Variants in ACLY observed in about 807,000 individuals in gnomAD.
ACLY encodes the protein ATP citrate lyase.
A neutral mutation model predicts 133.0 loss-of-function variants in ACLY; 41 were observed. That is an observed-to-expected ratio of 0.31 (90% CI 0.24 to 0.40). The LOEUF is 0.40. ACLY is among the 10% of genes least tolerant of loss of function. ACLY has a pLI of 1.00. For missense variants in ACLY, 1,046 were observed against 1,453.8 expected (o/e 0.72, Z 4.56); for synonymous variants, 495 against 549.3 (o/e 0.90, Z 1.38).
Position 41,892,269 on chromosome 17 carries a change from A to C in ACLY, c.1770+10T>G. ...CCCCACCCCCCACCCTCCAGAGCCCAGTGATCTACCTGGGCATAGTTCATG... is the reference window on the plus strand; with the variant it reads ...CCCCACCCCCCACCCTCCAGAGCCCCGTGATCTACCTGGGCATAGTTCATG... On this transcript the variant is annotated intron_variant, in intron 16 of 28. Coordinates refer to ENST00000352035, the MANE Select transcript of ACLY (RefSeq NM_001096.3). 1.7e-6 allele frequency: 1 copy of C among 572,976 alleles called. No homozygotes were observed. Among genetic ancestry groups the C allele is most frequent in the African/African-American group, 2.5e-5 (1 of 40,016 alleles). 35.5% of individuals were successfully genotyped at this position (572,976 alleles called of 1,614,324 possible).
chr17:41,913,014 A>C (rs1332093767), intron 2 of ACLY, among the ~76,000 whole-genome samples: 3 of 151,986 alleles, frequency 2.0e-5, no homozygotes, highest in Non-Finnish European at 4.4e-5. Context: ...GCAGCCCCTA[A>C]CCACTGCTCA....
chr17:41,913,666 C>T, intron 2 of ACLY, 49 bp downstream of exon 2: 1 of 1,593,752 alleles, frequency 6.3e-7, no homozygotes, highest in Non-Finnish European at 8.6e-7. Flanking sequence ...CTTTCTCTTC[C>T]TCAGACCCCG....
chr17:41,875,810 C>G (rs1555626032), intron 22 of ACLY, among the ~76,000 whole-genome samples: 1 of 152,178 alleles, frequency 6.6e-6, no homozygotes, highest in African/African-American at 2.4e-5. Context: ...ACCTCCCGGC[C>G]GCCTGCCTTG....
Position 41,897,782 on chromosome 17 carries a change from G to A in ACLY, c.1396C>T (p.Pro466Ser). The stretch of plus-strand genomic sequence containing the variant: ...ATGGCAGGCTTGGCCTTCTTTGCAG[G>A]CGCCACCTCATCGGCCCTGGACTCA... ...FSESRADEVAPAKKAKPAMPQ... is the reference protein window; with the variant it reads ...FSESRADEVASAKKAKPAMPQ... The change falls in exon 13 of 29, where the codon CCT (proline) becomes TCT (serine). Residue 466 changes from proline to serine, a missense_variant. By Grantham distance (74) the Pro-to-Ser change is moderately conservative (BLOSUM62 -1). Coordinates refer to ENST00000352035, the MANE Select transcript of ACLY (RefSeq NM_001096.3). 1.2e-6 allele frequency: 2 copies of A among 1,613,294 alleles called. No individual in the cohort carries two copies. The highest frequency in any genetic ancestry group is 8.5e-7 in the Non-Finnish European group (1 of 1,179,688).
In ACLY at chr17:41,896,632, T is replaced by G; in HGVS notation, c.1447A>C (p.Arg483=). The G allele has an allele frequency of 6.4e-7, 1 of 1,570,756 alleles. No individual in the cohort carries two copies. The highest frequency in any genetic ancestry group is 8.6e-7 in the Non-Finnish European group (1 of 1,157,656). Residue 483 remains arginine, a synonymous_variant, in exon 14 of 29, where the codon AGA becomes CGA. Transcript: ENST00000352035. ...GGGGGCATCCTACCTTGCAGGGATCTTGGACTTGGGACTGAATCTGTCAAA... is the reference window on the plus strand; with the variant it reads ...GGGGGCATCCTACCTTGCAGGGATCGTGGACTTGGGACTGAATCTGTCAAA... ...AMPQDSVPSP[R]SLQGKSTTLF... is the part of the protein sequence containing the mutation.
intron 11 of ACLY, 65 bp downstream of exon 11, chr17:41,901,631 G>A: frequency 7.3e-7 from 1 of 1,367,894 alleles, no homozygotes; most frequent in Admixed American, 1.8e-5. Context: ...TCAGGAATCA[G>A]AAATCCCAAA....
chr17:41,906,489 G>T, intron 8 of ACLY, 39 bp downstream of exon 8: 1 of 1,568,530 alleles, frequency 6.4e-7, no homozygotes, highest in Non-Finnish European at 8.8e-7. Flanking sequence ...ATGCTGGGTA[G>T]ACTGGGCTGG....
chr17:41,873,175 CTTTTTTT>C, intron 23 of ACLY, among the ~76,000 whole-genome samples: 1 of 134,360 alleles, frequency 7.4e-6, no homozygotes, highest in Middle Eastern at 3.5e-3. Context: ...ACACAAGGTA[CTTTTTTT>C]TTTTTTTTTT....
intron 18 of ACLY, among the ~76,000 whole-genome samples, chr17:41,885,338 C>T (rs1555627962): frequency 6.6e-6 from 1 of 152,188 alleles, no homozygotes; most frequent in East Asian, 1.9e-4. Context: ...TTCTTCCTCA[C>T]CCAGGCATCC....
chr17:41,871,432 A>G (rs1310812833), intron 25 of ACLY, among the ~76,000 whole-genome samples: 1 of 148,756 alleles, frequency 6.7e-6, no homozygotes, highest in Non-Finnish European at 1.5e-5. Context: ...GGCTCACCAC[A>G]ACCTCCACTT....
chr17:41,907,360 G>A (rs558865656), intron 7 of ACLY, 82 bp downstream of exon 7: 3 of 1,370,310 alleles, frequency 2.2e-6, no homozygotes, highest in Admixed American at 1.9e-5. Flanking sequence ...GCTCATGAAG[G>A]GGGGCCAAAT....
intron 20 of ACLY, 51 bp from the exon 21 acceptor site, chr17:41,878,975 T>C (rs1597979773): frequency 4.3e-6 from 7 of 1,610,186 alleles, no homozygotes; most frequent in East Asian, 2.2e-5. Flanking sequence ...AGAGTGAACA[T>C]AGAATCCCAT....
At chr17:41,868,310 C>T (rs768667843) in intron 28 of ACLY, among the ~76,000 whole-genome samples, 3 of 151,076 alleles carry the variant, frequency 2.0e-5, no homozygotes, top group Admixed American at 6.6e-5. Flanking sequence ...TGGTGGCATG[C>T]GCCTGTAGTC....
At chr17:41,883,101 A>G (rs781846872) in intron 20 of ACLY, 21 bp downstream of exon 20, 1 of 1,603,254 alleles carries the variant, frequency 6.2e-7, no homozygotes, top group Non-Finnish European at 8.5e-7. Flanking sequence ...CCAGCCCAGA[A>G]GTGACCCATC....
chr17:41,878,729 G>A, intron 21 of ACLY, 68 bp downstream of exon 21: 2 of 1,596,436 alleles, frequency 1.3e-6, no homozygotes, highest in Admixed American at 1.7e-5. Context: ...CTGTGTGGGA[G>A]AGGCTGCTGT....
At chr17:41,871,473 C>T (rs1555625022) in intron 25 of ACLY, among the ~76,000 whole-genome samples, 1 of 152,104 alleles carries the variant, frequency 6.6e-6, no homozygotes, top group Admixed American at 6.5e-5. Flanking sequence ...CTACCTCAGC[C>T]TCCTGAGTAG....
At chr17:41,928,852 TAAAAAAAAAA>T (rs11428338) in intron 1 of ACLY, among the ~76,000 whole-genome samples, 1 of 119,840 alleles carries the variant, frequency 8.3e-6, no homozygotes, top group Non-Finnish European at 1.7e-5. Flanking sequence ...GACTCCACCA[TAAAAAAAAAA>T]AAAAAAAAGC....
In ACLY at chr17:41,890,969, CA is replaced by C. The variant is rs113644053; in HGVS notation, c.1770+1309del. On this transcript the variant is annotated intron_variant, in intron 16 of 28. Transcript: ENST00000352035. Reference sequence around the variant, plus strand: ...TGTGTGACAGAGTGAGGCCCTGTCTCAAAAAAAAAAAATAAATAAATACAAA... The same window carrying C: ...TGTGTGACAGAGTGAGGCCCTGTCTCAAAAAAAAAAATAAATAAATACAAA... 2.8e-3 allele frequency among the ~76,000 whole-genome samples: 383 copies of C among 138,078 alleles called. 1 individual carries two copies. The highest frequency in any genetic ancestry group is 6.0e-3 in the African/African-American group (227 of 38,006). The allele number at this position is 138,078 out of a possible 152,430, so 90.6% of individuals were successfully genotyped here.
At chr17:41,896,882 G>A (rs1193033946) in intron 13 of ACLY, among the ~76,000 whole-genome samples, 1 of 152,222 alleles carries the variant, frequency 6.6e-6, no homozygotes, top group African/African-American at 2.4e-5. Context: ...CAGAGAGGGG[G>A]CAGGAGGAGG....
Sources: allele counts gnomAD v4.1 joint callset (sites outside exome capture counted in the v4.1 genomes callset), GRCh38; gene constraint gnomAD v4.1.1; transcripts MANE v1.5; gene names NCBI Gene and HGNC (gene_info 2026-07-23, HGNC 2026-07-21).